The following CIMAP2 variants were observed in gnomAD, a reference collection of about 807,000 sequenced individuals.
CIMAP2 encodes the protein ciliary microtubule associated protein 2.
chr1:54,826,549 G>A, the CIMAP2 span, among the ~76,000 whole-genome samples: 3 of 152,226 alleles, frequency 2.0e-5, no homozygotes, highest in African/African-American at 7.2e-5. Context: ...AGCTGCTTGG[G>A]TATCAGGGGA....
At chr1:54,811,765 G>GCCGGGGGGGGGCCCCCCCCCCCCCCCCCC in the CIMAP2 span, 6 of 1,301,326 alleles carry the variant, frequency 4.6e-6, no homozygotes, top group East Asian at 2.5e-5. Context: ...GGTTCTGACA[G>GCCGGGGGGGGGCCCCCCCCCCCCCCCCCC]CCTCCATGCC....
the CIMAP2 span, chr1:54,811,870 G>C: frequency 8.7e-6 from 14 of 1,609,748 alleles, no homozygotes; most frequent in South Asian, 1.2e-4. Context: ...GCCTGGAACC[G>C]GTCTCATTCC....
At chr1:54,815,169 G>T in the CIMAP2 span, 1 of 1,359,212 alleles carries the variant, frequency 7.4e-7, no homozygotes, top group South Asian at 1.4e-5. Flanking sequence ...TTTCCCCAAG[G>T]GACCTGAGGT....
the CIMAP2 span, among the ~76,000 whole-genome samples, chr1:54,822,608 A>G: frequency 6.6e-6 from 1 of 152,044 alleles, no homozygotes; most frequent in Non-Finnish European, 1.5e-5. Context: ...ATGGCTCATG[A>G]TTCTCCCACC....
the CIMAP2 span, among the ~76,000 whole-genome samples, chr1:54,827,243 C>A: frequency 6.6e-6 from 1 of 152,190 alleles, no homozygotes; most frequent in African/African-American, 2.4e-5. Flanking sequence ...TGGGCAATAT[C>A]CTTTACACAT....
the CIMAP2 span, chr1:54,814,793 G>A: frequency 7.0e-7 from 1 of 1,424,894 alleles, no homozygotes; most frequent in Non-Finnish European, 9.6e-7. Flanking sequence ...CACCGTCCTT[G>A]GCTCAAGACC....
chr1:54,811,772 TGCCCCC>T, the CIMAP2 span: 1 of 454,858 alleles, frequency 2.2e-6, no homozygotes, highest in Non-Finnish European at 4.3e-6. Context: ...ACAGCCTCCA[TGCCCCC>T]ACCCCCGCCC....
chr1:54,819,824 CTCTT>C, the CIMAP2 span, among the ~76,000 whole-genome samples: 543 of 100,260 alleles, frequency 5.4e-3, 9 homozygotes, highest in African/African-American at 0.017. Context: ...TTCTTTCTTT[CTCTT>C]TCTTTCTTTC....
the CIMAP2 span, among the ~76,000 whole-genome samples, chr1:54,815,897 C>G: frequency 6.7e-6 from 1 of 149,520 alleles, no homozygotes; most frequent in Admixed American, 6.8e-5. Flanking sequence ...TAGCACAGGT[C>G]AGCCGCCTCA....
chr1:54,831,872 GAC>G, the CIMAP2 span, among the ~76,000 whole-genome samples: 4 of 151,410 alleles, frequency 2.6e-5, no homozygotes, highest in Non-Finnish European at 4.4e-5. Context: ...CTTTTTTTTT[GAC>G]ACAGGGTTAG....
the CIMAP2 span, chr1:54,807,051 G>A: frequency 1.2e-6 from 2 of 1,614,096 alleles, no homozygotes; most frequent in East Asian, 2.2e-5. Flanking sequence ...CTTCACTGAG[G>A]CCCCATACTC....
the CIMAP2 span, chr1:54,815,146 G>A: frequency 1.4e-6 from 2 of 1,477,162 alleles, no homozygotes; most frequent in South Asian, 2.6e-5. Flanking sequence ...TGAGCCATAT[G>A]CCTCCCCTTT....
chr1:54,819,976 T>TTC, the CIMAP2 span, among the ~76,000 whole-genome samples: 10,917 of 135,594 alleles, frequency 0.081, 709 homozygotes, highest in Non-Finnish European at 0.12. Flanking sequence ...CTTTCTTTCT[T>TTC]TTTCTCTCTT....
At chr1:54,813,149 T>G in the CIMAP2 span, among the ~76,000 whole-genome samples, 1 of 152,134 alleles carries the variant, frequency 6.6e-6, no homozygotes, top group East Asian at 1.9e-4. Context: ...GACTTTTTTT[T>G]TTTTTAGATC....
chr1:54,841,883 C>T, the CIMAP2 span: 219 of 1,550,776 alleles, frequency 1.4e-4, 1 homozygote, highest in South Asian at 9.3e-4. Flanking sequence ...AAGCCACATG[C>T]GAAGGACAGC....
At chr1:54,827,035 T>C in the CIMAP2 span, among the ~76,000 whole-genome samples, 2 of 152,264 alleles carry the variant, frequency 1.3e-5, no homozygotes, top group African/African-American at 4.8e-5. Context: ...ATCTGCCTTG[T>C]TGAATGGTAA....
the CIMAP2 span, chr1:54,807,553 T>G: frequency 1.3e-6 from 2 of 1,592,056 alleles, no homozygotes. Context: ...GACTTACAGC[T>G]CCAAAGAGAC....
At chr1:54,841,574 A>T in the CIMAP2 span, 1 of 1,613,514 alleles carries the variant, frequency 6.2e-7, no homozygotes. Context: ...GGGTGCTTTA[A>T]TGAGCTGAAC....
chr1:54,806,106 G>A, the CIMAP2 span: 1 of 1,516,830 alleles, frequency 6.6e-7, no homozygotes, highest in African/African-American at 1.4e-5. Context: ...CGGGCAGCGC[G>A]CAGGCCTGCC....
Sources: gnomAD v4.1 joint callset for allele counts (sites outside exome capture counted in the v4.1 genomes callset) on GRCh38, gnomAD v4.1.1 for gene constraint, MANE v1.5 for transcripts, NCBI Gene and HGNC (gene_info 2026-07-23, HGNC 2026-07-21) for gene names.